Variants in NUP133 observed in about 807,000 individuals in gnomAD.
NUP133 encodes nuclear pore complex protein Nup133.
Under a neutral mutation model 146.2 loss-of-function variants are expected in NUP133, and 66 were observed. The observed-to-expected ratio is 0.45, with a 90% CI of 0.37 to 0.55. NUP133 has a LOEUF of 0.55. NUP133 is among the 20% of genes least tolerant of loss of function. The pLI, the probability that NUP133 is intolerant of heterozygous loss-of-function variation, is 0.00. For missense variants in NUP133, 1,277 were observed against 1,374.8 expected (o/e 0.93, Z 1.12); for synonymous variants, 521 against 498.8 (o/e 1.04, Z -0.59).
In NUP133 at chr1:229,441,201, G is replaced by A. The variant is rs1660174910; in HGVS notation, c.*703C>T. On this transcript the variant is annotated 3_prime_UTR_variant, in exon 26 of 26. Transcript: ENST00000261396. ...CATGAGTCATTCTGAAAATACATGA[G>A]GCTGGCTGAATCCCCACACTGAAAG... The A allele has an allele frequency of 3.0e-6, 1 of 335,062 alleles. No homozygotes were observed. Among genetic ancestry groups the A allele is most frequent in the Non-Finnish European group, 5.9e-6 (1 of 169,660 alleles). The allele number at this position is 335,062 out of a possible 1,614,324, so 20.8% of individuals were successfully genotyped here.
intron 1 of NUP133, 81 bp from the exon 2 acceptor site, chr1:229,506,239 G>T: frequency 2.8e-6 from 2 of 704,286 alleles, no homozygotes; most frequent in Non-Finnish European, 4.7e-6. Flanking sequence ...TATTTTCACA[G>T]TAAGGAGTTC....
At chr1:229,455,715 T>A (rs1301748540) in intron 21 of NUP133, among the ~76,000 whole-genome samples, 1 of 152,222 alleles carries the variant, frequency 6.6e-6, no homozygotes, top group Non-Finnish European at 1.5e-5. Context: ...AGGTAATTTT[T>A]TTTCAGCATA....
chr1:229,507,589 A>G (rs1440739306), intron 1 of NUP133, among the ~76,000 whole-genome samples: 3 of 152,212 alleles, frequency 2.0e-5, no homozygotes, highest in African/African-American at 7.2e-5. Flanking sequence ...CCCTTTAATT[A>G]CCAATCATCA....
At position 229,462,207 on chromosome 1, in the gene NUP133, A is replaced by C. The variant is rs114329013; in HGVS notation, c.2685+1336T>G. On this transcript the variant is annotated intron_variant, in intron 19 of 25. Transcript: ENST00000261396. Reference sequence around the variant, plus strand: ...CCCAACAACTGATCTTTGATGAAGTAAGTCATACCCAGTCAATGAAATACT... The same window carrying C: ...CCCAACAACTGATCTTTGATGAAGTCAGTCATACCCAGTCAATGAAATACT... Among the ~76,000 whole-genome samples the C allele has an allele frequency of 2.8e-3, 422 of 152,316 alleles. 2 individuals carry two copies. Among genetic ancestry groups the C allele is most frequent in the African/African-American group, 9.7e-3 (405 of 41,580 alleles).
chr1:229,479,200 A>G (rs1661149060), intron 12 of NUP133, among the ~76,000 whole-genome samples: 1 of 152,242 alleles, frequency 6.6e-6, no homozygotes, highest in African/African-American at 2.4e-5. Context: ...CAAGTCCTGC[A>G]GCTGGCTCTG....
chr1:229,442,542 TACAA>T (rs930314095), intron 25 of NUP133, among the ~76,000 whole-genome samples: 9 of 152,276 alleles, frequency 5.9e-5, no homozygotes, highest in African/African-American at 1.2e-4. Context: ...TCTGTGTAGT[TACAA>T]ACAAACATAC....
intron 8 of NUP133, among the ~76,000 whole-genome samples, chr1:229,492,999 T>C (rs1301106025): frequency 6.6e-6 from 1 of 152,164 alleles, no homozygotes; most frequent in African/African-American, 2.4e-5. Flanking sequence ...CTCTCTACAA[T>C]GCCAGGCTGG....
intron 6 of NUP133, among the ~76,000 whole-genome samples, chr1:229,497,753 G>A (rs1032061226): frequency 5.9e-5 from 9 of 152,226 alleles, no homozygotes; most frequent in Non-Finnish European, 7.3e-5. Context: ...AGAGTATGGT[G>A]CAGAGAAGTC....
Position 229,506,064 on chromosome 1 carries a change from T to C in NUP133, c.277A>G (p.Met93Val), listed in dbSNP as rs1294512313. The C allele has an allele frequency of 6.2e-7, 1 of 1,608,500 alleles. No homozygotes were observed. The highest frequency in any genetic ancestry group is 8.5e-7 in the Non-Finnish European group (1 of 1,175,156). ...CCTTCAGCCAATGTTAGGGCTTCCA[T>C]GACTTTAACAGGAAGAGAAGATCCA... ...TFGSSLPVKV[M>V]EALTLAEVDD... Residue 93 changes from methionine (M) to valine (V), a missense_variant, in exon 2 of 26, where the codon ATG becomes GTG. Met to Val is a conservative substitution (Grantham distance 21). Coordinates refer to ENST00000261396, the MANE Select transcript of NUP133 (RefSeq NM_018230.3).
At chr1:229,448,448 AT>A (rs1660363114) in intron 24 of NUP133, among the ~76,000 whole-genome samples, 1 of 152,174 alleles carries the variant, frequency 6.6e-6, no homozygotes, top group Admixed American at 6.5e-5. Flanking sequence ...AAATAAAAAA[AT>A]AAAAATAAAA....
intron 20 of NUP133, among the ~76,000 whole-genome samples, 179 bp downstream of exon 20, chr1:229,460,432 C>A (rs1660668106): frequency 6.6e-6 from 1 of 152,202 alleles, no homozygotes; most frequent in Admixed American, 6.5e-5. Flanking sequence ...CTGCCTCAGC[C>A]TCCCAAAGTA....
chr1:229,501,624 T>C (rs1661799494), intron 3 of NUP133, among the ~76,000 whole-genome samples: 1 of 152,216 alleles, frequency 6.6e-6, no homozygotes, highest in South Asian at 2.1e-4. Context: ...TTAAGCATCA[T>C]TCAGTAGGTT....
intron 19 of NUP133, among the ~76,000 whole-genome samples, chr1:229,461,689 A>T (rs557478076): frequency 1.3e-5 from 2 of 152,362 alleles, no homozygotes; most frequent in African/African-American, 4.8e-5. Context: ...GGCAACATAA[A>T]CAGACTCAAA....
At chr1:229,470,495 C>T (rs1660929502) in intron 15 of NUP133, 85 bp downstream of exon 15, 2 of 1,112,286 alleles carry the variant, frequency 1.8e-6, no homozygotes, top group Non-Finnish European at 2.7e-6. Flanking sequence ...TGTGATTTAA[C>T]TCGTCCTCAC....
At chr1:229,476,282 A>G (rs996218974) in intron 13 of NUP133, among the ~76,000 whole-genome samples, 3 of 152,224 alleles carry the variant, frequency 2.0e-5, no homozygotes, top group Non-Finnish European at 4.4e-5. Flanking sequence ...TAGTTTAATC[A>G]TTTGTAACAA....
chr1:229,455,971 C>A (rs1175549180), intron 21 of NUP133, among the ~76,000 whole-genome samples: 1 of 152,172 alleles, frequency 6.6e-6, no homozygotes, highest in Non-Finnish European at 1.5e-5. Flanking sequence ...GCTTCTGTGT[C>A]ATGGCTCTTA....
At chr1:229,491,190 C>T (rs138099543) in intron 8 of NUP133, among the ~76,000 whole-genome samples, 124 of 152,286 alleles carry the variant, frequency 8.1e-4, no homozygotes, top group African/African-American at 2.6e-3. Flanking sequence ...AGGGATGTTT[C>T]ATGATACCAT....
Position 229,450,553 on chromosome 1 carries a change from G to C in NUP133, c.3152C>G (p.Ala1051Gly). The stretch of plus-strand genomic sequence containing the variant: ...ATCAATATATTCCAACAAGTCCAAA[G>C]CTTTCTTGAAATCATATTCATTAGC... ...RRANEYDFKK[A>G]LDLLEYIDEE... The change falls in exon 23 of 26, where the codon GCT becomes GGT. Residue 1051 changes from alanine to glycine, a missense_variant. Coordinates refer to ENST00000261396, the MANE Select transcript of NUP133 (RefSeq NM_018230.3). 1.3e-6 allele frequency: 2 copies of C among 1,587,992 alleles called. No homozygotes were observed. Among genetic ancestry groups the C allele is most frequent in the Non-Finnish European group, 1.7e-6 (2 of 1,161,982 alleles).
At chr1:229,475,301 A>G (rs1484444337) in intron 14 of NUP133, among the ~76,000 whole-genome samples, 1 of 152,220 alleles carries the variant, frequency 6.6e-6, no homozygotes, top group Non-Finnish European at 1.5e-5. Flanking sequence ...TACCCAAAAA[A>G]AGAAAAGGAA....
Sources: gnomAD v4.1 joint callset for allele counts (sites outside exome capture counted in the v4.1 genomes callset) on GRCh38, gnomAD v4.1.1 for gene constraint, MANE v1.5 for transcripts, NCBI Gene and HGNC (gene_info 2026-07-23, HGNC 2026-07-21) for gene names.